AMMECR1L: variants seen among roughly 807,000 people sequenced by gnomAD.
The protein encoded by AMMECR1L is AMMECR1-like protein.
AMMECR1L carries 4 observed loss-of-function variants against 36.8 expected under a neutral mutation model. The observed-to-expected ratio is 0.11, with a 90% CI of 0.05 to 0.25. AMMECR1L has a LOEUF of 0.25. Among genes scored for constraint, AMMECR1L ranks in the 10% least tolerant of loss-of-function variants. AMMECR1L has a pLI of 1.00. For synonymous variants in AMMECR1L, 147 were observed against 148.0 expected (o/e 0.99, Z 0.05); for missense variants, 232 against 392.1 (o/e 0.59, Z 3.45).
Position 127,873,061 on chromosome 2 carries a change from C to T in AMMECR1L, c.407+767G>A, listed in dbSNP as rs533084642. 5.5e-5 allele frequency: 54 copies of T among 985,298 alleles called. No individual in the cohort carries two copies. The highest frequency in any genetic ancestry group is 4.2e-4 in the South Asian group (9 of 21,276). 61.0% of individuals were successfully genotyped at this position (985,298 alleles called of 1,614,324 possible). On this transcript the variant is annotated intron_variant, in intron 3 of 7. Coordinates refer to ENST00000272647, the MANE Select transcript of AMMECR1L (RefSeq NM_001199140.2). This position sits in a 1 kb window ranked among gnomAD's most constrained non-coding sequence, Gnocchi z 5.2. The stretch of plus-strand genomic sequence containing the variant: ...GCCCCAGCCAAGGTTTTGTAGTCTC[C>T]GTATGGCAATCAACAACTGAGGAAT...
In AMMECR1L at chr2:127,866,914, C is replaced by A. The variant is rs376532930; in HGVS notation, c.807G>T (p.Thr269=). ...CAATGGCTTACCTGGTGAGTTTGAT[C>A]GTTTTTCTGAATTCACTGGTAATTG... ...KAPITSEFRK[T]IKLTRYRSEK... is the part of the protein sequence containing the mutation. Residue 269 remains threonine, a synonymous_variant, in exon 7 of 8, where the codon ACG becomes ACT. Coordinates refer to ENST00000272647, the MANE Select transcript of AMMECR1L (RefSeq NM_001199140.2). 5.0e-6 allele frequency: 8 copies of A among 1,614,020 alleles called. No individual in the cohort carries two copies. In the East Asian group the frequency reaches 1.8e-4, roughly 36 times the overall value.
Position 127,864,935 on chromosome 2 carries a change from C to T in AMMECR1L, c.*159G>A. 4 of 574,292 alleles carry T rather than the reference C, an allele frequency of 7.0e-6. No homozygotes were observed. The South Asian group carries it at 8.8e-5, about 13-fold the overall frequency. 35.6% of individuals were successfully genotyped at this position (574,292 alleles called of 1,614,324 possible). ...CTGTTTCGTTCAAGGTAACCCTACC[C>T]TCCCTCAGTCAGCGGGAGGCAGACT... On this transcript the variant is annotated 3_prime_UTR_variant, in exon 8 of 8. Coordinates refer to ENST00000272647, the MANE Select transcript of AMMECR1L (RefSeq NM_001199140.2).
rs1690569132 is a variant in AMMECR1L at position 127,863,845 on chromosome 2, A to G, written c.*1249T>C. The G allele has an allele frequency of 6.6e-6, 1 of 152,670 alleles. No individual in the cohort carries two copies. Among genetic ancestry groups the G allele is most frequent in the Admixed American group, 6.5e-5 (1 of 15,290 alleles). The allele number at this position is 152,670 out of a possible 1,614,324, so 9.5% of individuals were successfully genotyped here. On this transcript the variant is annotated 3_prime_UTR_variant, in exon 8 of 8. Coordinates refer to ENST00000272647, the MANE Select transcript of AMMECR1L (RefSeq NM_001199140.2). ...AAGGAGAGAGGAAAAAATTGCTGAC[A>G]GCGATTTGGAAATCAGCAACAATGG...
chr2:127,865,238 C>T lies in AMMECR1L; in HGVS notation c.822-33G>A, dbSNP rs753644879. 2.0e-6 allele frequency: 3 copies of T among 1,472,856 alleles called. No individual in the cohort carries two copies. The highest frequency in any genetic ancestry group is 2.4e-5 in the South Asian group (2 of 82,650). The allele number at this position is 1,472,856 out of a possible 1,614,324, so 91.2% of individuals were successfully genotyped here. On this transcript the variant is annotated intron_variant, in intron 7 of 7. Coordinates refer to ENST00000272647, the MANE Select transcript of AMMECR1L (RefSeq NM_001199140.2). The surrounding 1 kb of genome is among the most constrained non-coding windows in gnomAD (Gnocchi z 5.4). ...AGGAAACAGGAAAGGGTATTAGGAA[C>T]CCCAAACGCTTCATTTTGTAAAGTC...
At chr2:127,875,632 G>A (rs977553957) in intron 2 of AMMECR1L, among the ~76,000 whole-genome samples, 1 of 152,084 alleles carries the variant, frequency 6.6e-6, no homozygotes, top group Non-Finnish European at 1.5e-5. Flanking sequence ...GATTATTTAT[G>A]TTCTTCATAT....
chr2:127,882,826 T>A (rs1691571172), intron 2 of AMMECR1L, among the ~76,000 whole-genome samples: 1 of 152,108 alleles, frequency 6.6e-6, no homozygotes, highest in Non-Finnish European at 1.5e-5. Context: ...GTTTTGAACT[T>A]CTGGCTTCAA....
Position 127,874,402 on chromosome 2 carries a change from G to A in AMMECR1L, c.-38-130C>T, listed in dbSNP as rs1021150386. The A allele has an allele frequency of 4.7e-6, 4 of 852,004 alleles. No homozygotes were observed. The highest frequency in any genetic ancestry group is 7.0e-6 in the Non-Finnish European group (4 of 567,808). 52.8% of individuals were successfully genotyped at this position (852,004 alleles called of 1,614,324 possible). ...ATTCTTTCTCCCACTCAACCTCCAGGTCACAGACCAGGAGAAGAAACCCCT... is the reference window on the plus strand; with the variant it reads ...ATTCTTTCTCCCACTCAACCTCCAGATCACAGACCAGGAGAAGAAACCCCT... On this transcript the variant is annotated intron_variant, in intron 2 of 7. Coordinates refer to ENST00000272647, the MANE Select transcript of AMMECR1L (RefSeq NM_001199140.2). This position sits in a 1 kb window ranked among gnomAD's most constrained non-coding sequence, Gnocchi z 5.2.
chr2:127,861,728 C>T lies in AMMECR1L; in HGVS notation c.*3366G>A, dbSNP rs565151188. 7 of 152,302 alleles carry T rather than the reference C, an allele frequency of 4.6e-5. No homozygotes were observed. In the South Asian group the frequency reaches 1.2e-3, roughly 27 times the overall value. The allele number at this position is 152,302 out of a possible 1,614,324, so 9.4% of individuals were successfully genotyped here. A position where few individuals can be genotyped will look rare whatever the true frequency, so the allele number is the denominator to read the frequency against. ...AGCCAAGAGGCAACCAAGTGTAATACAAAGAATTGGTCTGAAGTCTTTGCA... is the reference window on the plus strand; with the variant it reads ...AGCCAAGAGGCAACCAAGTGTAATATAAAGAATTGGTCTGAAGTCTTTGCA... On this transcript the variant is annotated 3_prime_UTR_variant, in exon 8 of 8. Coordinates refer to ENST00000272647, the MANE Select transcript of AMMECR1L (RefSeq NM_001199140.2).
In AMMECR1L at chr2:127,885,112, C is replaced by A. The variant is rs145798916; in HGVS notation, c.-149+698G>T. The A allele has an allele frequency of 8.6e-3, 8,467 of 978,902 alleles. 41 individuals carry two copies. The highest frequency in any genetic ancestry group is 9.8e-3 in the Non-Finnish European group (8,043 of 824,488). The allele number at this position is 978,902 out of a possible 1,614,324, so 60.6% of individuals were successfully genotyped here. On this transcript the variant is annotated intron_variant, in intron 1 of 7. Coordinates refer to ENST00000272647, the MANE Select transcript of AMMECR1L (RefSeq NM_001199140.2). ...TGGGAAAGAGAGGCATGAAACCCAG[C>A]GTGTCAGGTGGACGGATCATGGAAT...
At chr2:127,878,469 C>T (rs1367359877) in intron 2 of AMMECR1L, among the ~76,000 whole-genome samples, 1 of 152,070 alleles carries the variant, frequency 6.6e-6, no homozygotes, top group Non-Finnish European at 1.5e-5. Flanking sequence ...CTCATTACAC[C>T]AAACCACACC....
rs916537767 is a variant in AMMECR1L, at chr2:127,869,201, C to G, written c.724+253G>C. ...TAGTTTAAGGGGCTAAGAAATAAAA[C>G]TATTCATTGAAAAGAAGTGTTTGAA... On this transcript the variant is annotated intron_variant, in intron 6 of 7. Coordinates refer to ENST00000272647, the MANE Select transcript of AMMECR1L (RefSeq NM_001199140.2). This position sits in a 1 kb window ranked among gnomAD's most constrained non-coding sequence, Gnocchi z 4.7. Among the ~76,000 whole-genome samples, 1 of 152,192 alleles carries G rather than the reference C, an allele frequency of 6.6e-6. No individual in the cohort carries two copies. The highest frequency in any genetic ancestry group is 1.5e-5 in the Non-Finnish European group (1 of 68,032).
In AMMECR1L at chr2:127,874,070, C is replaced by T; in HGVS notation, c.165G>A (p.Val55=). 1 of 1,614,210 alleles carries T rather than the reference C, an allele frequency of 6.2e-7. No individual in the cohort carries two copies. The highest frequency in any genetic ancestry group is 1.1e-5 in the South Asian group (1 of 91,080). Reference sequence around the variant, plus strand: ...CATTCTCCCGTCCACTGCTGCTGTCCACATGCTGGTGGTTTTGAAGAGGTC... The same window carrying T: ...CATTCTCCCGTCCACTGCTGCTGTCTACATGCTGGTGGTTTTGAAGAGGTC... ...SSGPLQNHQH[V]DSSSGRENVS... is the part of the protein sequence containing the mutation. Residue 55 remains valine (V), a synonymous_variant, in exon 3 of 8, where the codon GTG becomes GTA. Coordinates refer to ENST00000272647, the MANE Select transcript of AMMECR1L (RefSeq NM_001199140.2). The surrounding 1 kb of genome is among the most constrained non-coding windows in gnomAD (Gnocchi z 5.2).
At chr2:127,875,311 C>G (rs1005698047) in intron 2 of AMMECR1L, among the ~76,000 whole-genome samples, 1 of 152,026 alleles carries the variant, frequency 6.6e-6, no homozygotes, top group Admixed American at 6.6e-5. Flanking sequence ...ACTGAAGTTT[C>G]TAAGTACAGA....
At chr2:127,867,598 T>C (rs536434058) in intron 6 of AMMECR1L, among the ~76,000 whole-genome samples, 1 of 151,922 alleles carries the variant, frequency 6.6e-6, no homozygotes, top group Non-Finnish European at 1.5e-5. Flanking sequence ...AACGCAAAAA[T>C]TAAGTGAGCG....
At chr2:127,885,528 G>T in intron 1 of AMMECR1L, 1 of 984,560 alleles carries the variant, frequency 1.0e-6, no homozygotes, top group Non-Finnish European at 1.2e-6. Flanking sequence ...GACCAGGAGC[G>T]GGAGCCGAGC....
intron 5 of AMMECR1L, among the ~76,000 whole-genome samples, chr2:127,870,501 C>G (rs1431032094): frequency 6.6e-6 from 1 of 151,730 alleles, no homozygotes; most frequent in Admixed American, 6.6e-5. Context: ...CAAACAAAAA[C>G]TTTTACTCCA....
At chr2:127,868,801 T>A (rs1323434143) in intron 6 of AMMECR1L, among the ~76,000 whole-genome samples, 1 of 151,948 alleles carries the variant, frequency 6.6e-6, no homozygotes, top group East Asian at 1.9e-4. Flanking sequence ...CTTGGCTCAC[T>A]GCAACCTCTG....
intron 1 of AMMECR1L, chr2:127,885,166 G>A (rs1691701462): frequency 1.0e-6 from 1 of 985,104 alleles, no homozygotes; most frequent in Non-Finnish European, 1.2e-6. Context: ...AAGGAAGGAG[G>A]GCCCAAGAGT....
At chr2:127,879,176 G>T (rs764048061) in intron 2 of AMMECR1L, among the ~76,000 whole-genome samples, 1 of 152,142 alleles carries the variant, frequency 6.6e-6, no homozygotes. Context: ...CGTGTTTGTC[G>T]CCACCCAAGT....
Sources: allele counts gnomAD v4.1 joint callset (sites outside exome capture counted in the v4.1 genomes callset), GRCh38; gene constraint gnomAD v4.1.1; non-coding constraint Gnocchi (gnomAD v3.1); transcripts MANE v1.5; gene names NCBI Gene and HGNC (gene_info 2026-07-23, HGNC 2026-07-21).